SPSB4: variants seen among roughly 807,000 people sequenced by gnomAD.
The protein encoded by SPSB4 is SPRY domain-containing SOCS box protein 4.
A neutral mutation model predicts 20.9 loss-of-function variants in SPSB4; 21 were observed. The observed-to-expected ratio is 1.01, with a 90% CI of 0.71 to 1.45. The LOEUF is 1.45. SPSB4 is among the 40% of genes most tolerant of loss of function. The pLI, the probability that SPSB4 is intolerant of heterozygous loss-of-function variation, is 0.00. For missense variants in SPSB4, 399 were observed against 399.2 expected (o/e 1.00, Z 0.00); for synonymous variants, 207 against 183.8 (o/e 1.13, Z -1.02).
At chr3:141,095,962 G>A (rs2107793797) in intron 2 of SPSB4, among the ~76,000 whole-genome samples, 1 of 152,152 alleles carries the variant, frequency 6.6e-6, no homozygotes, top group South Asian at 2.1e-4. Context: ...CCCTTCTTCT[G>A]CCTGATGTCT....
rs1244417833 is a variant in SPSB4, at chr3:141,147,944, CT to C, written c.*676del. The C allele has an allele frequency of 1.3e-5, 2 of 153,170 alleles. No individual in the cohort carries two copies. The highest frequency in any genetic ancestry group is 2.9e-5 in the Non-Finnish European group (2 of 68,444). 9.5% of individuals were successfully genotyped at this position (153,170 alleles called of 1,614,324 possible). ...TTCCCAGCCACTGACTCACAGTTCT[CT>C]GGATGCCCAGACACCTCTCTTCAGG... On this transcript the variant is annotated 3_prime_UTR_variant, in exon 3 of 3. Coordinates refer to ENST00000310546, the MANE Select transcript of SPSB4 (RefSeq NM_080862.3).
chr3:141,129,571 A>G (rs868758195), intron 2 of SPSB4, among the ~76,000 whole-genome samples: 1 of 152,100 alleles, frequency 6.6e-6, no homozygotes, highest in Admixed American at 6.5e-5. Context: ...CAGCACTCTT[A>G]TCCTGTCCCT....
chr3:141,069,103 A>G (rs527840851), intron 2 of SPSB4, among the ~76,000 whole-genome samples: 12 of 152,304 alleles, frequency 7.9e-5, no homozygotes, highest in African/African-American at 2.9e-4. Context: ...GGCATCTTCC[A>G]TTCAGTGATA....
At chr3:141,087,972 C>T (rs1938382178) in intron 2 of SPSB4, among the ~76,000 whole-genome samples, 2 of 152,130 alleles carry the variant, frequency 1.3e-5, no homozygotes, top group South Asian at 2.1e-4. Context: ...GACCCTTGAG[C>T]GGAGATTTAA....
At chr3:141,084,477 G>T (rs1938305708) in intron 2 of SPSB4, among the ~76,000 whole-genome samples, 1 of 152,144 alleles carries the variant, frequency 6.6e-6, no homozygotes, top group South Asian at 2.1e-4. Context: ...ACAATGCTTG[G>T]CCCCCCTCCC....
At chr3:141,122,991 G>C (rs1259742025) in intron 2 of SPSB4, among the ~76,000 whole-genome samples, 1 of 152,226 alleles carries the variant, frequency 6.6e-6, no homozygotes, top group African/African-American at 2.4e-5. Flanking sequence ...AGGTACCTCA[G>C]TTGGAAATGC....
chr3:141,135,338 T>TTTATTTTTATTATTATTA (rs1553743610), intron 2 of SPSB4, among the ~76,000 whole-genome samples: 2 of 148,818 alleles, frequency 1.3e-5, no homozygotes, highest in Non-Finnish European at 3.0e-5. Flanking sequence ...CAGTTTTTCT[T>TTTATTTTTATTATTATTA]TTATTATTAT....
At chr3:141,103,198 A>T (rs952571285) in intron 2 of SPSB4, among the ~76,000 whole-genome samples, 8 of 152,214 alleles carry the variant, frequency 5.3e-5, no homozygotes, top group Admixed American at 5.2e-4. Flanking sequence ...AGCTGGCTCC[A>T]TTTGCAGACC....
chr3:141,119,467 T>C (rs950696551), intron 2 of SPSB4, among the ~76,000 whole-genome samples: 1 of 152,228 alleles, frequency 6.6e-6, no homozygotes. Flanking sequence ...CTTTTCCTAA[T>C]TGAATACCCT....
At position 141,135,243 on chromosome 3, in the gene SPSB4, G is replaced by A. The variant is rs576084845; in HGVS notation, c.695-11899G>A. 1.6e-3 allele frequency among the ~76,000 whole-genome samples: 246 copies of A among 151,884 alleles called. 1 individual carries two copies. The highest frequency in any genetic ancestry group is 2.8e-3 in the Non-Finnish European group (189 of 67,968). The stretch of plus-strand genomic sequence containing the variant: ...TTTATAAGATCAGTTATGTATAGTA[G>A]AAGTTTTTGTTTTGTGTGGCATTGC... On this transcript the variant is annotated intron_variant, in intron 2 of 2. Transcript: ENST00000310546.
intron 2 of SPSB4, among the ~76,000 whole-genome samples, chr3:141,113,183 G>A (rs1559851608): frequency 1.3e-5 from 2 of 152,166 alleles, no homozygotes; most frequent in African/African-American, 4.8e-5. Context: ...AGGAATTCCT[G>A]GTGAGAATGT....
chr3:141,112,684 T>C (rs184476060), intron 2 of SPSB4, among the ~76,000 whole-genome samples: 1 of 148,484 alleles, frequency 6.7e-6, no homozygotes, highest in African/African-American at 2.5e-5. Flanking sequence ...GAAGGAATCT[T>C]GTTCAACTAA....
chr3:141,136,768 T>C lies in SPSB4; in HGVS notation c.695-10374T>C, dbSNP rs527658888. Among the ~76,000 whole-genome samples the C allele has an allele frequency of 2.4e-4, 36 of 152,298 alleles. No homozygotes were observed. In the South Asian group the frequency reaches 7.5e-3, roughly 32 times the overall value. On this transcript the variant is annotated intron_variant, in intron 2 of 2. Transcript: ENST00000310546. ...CCTTGTAGAATAGTTTGAAGTGAGG[T>C]AGCGTGATGCCTCCAGCTTTGTTCT... is the stretch of plus-strand genomic sequence containing the variant.
At chr3:141,082,396 T>C (rs1050034422) in intron 2 of SPSB4, among the ~76,000 whole-genome samples, 1 of 152,170 alleles carries the variant, frequency 6.6e-6, no homozygotes, top group Admixed American at 6.5e-5. Context: ...TTATTGATGA[T>C]GGATTGTCTG....
chr3:141,103,419 G>A (rs900886286), intron 2 of SPSB4, among the ~76,000 whole-genome samples: 6 of 152,140 alleles, frequency 3.9e-5, no homozygotes, highest in African/African-American at 1.2e-4. Flanking sequence ...TGGCAGCATC[G>A]GAACAGCACA....
intron 2 of SPSB4, among the ~76,000 whole-genome samples, chr3:141,109,113 G>A (rs928261257): frequency 6.6e-6 from 1 of 152,154 alleles, no homozygotes; most frequent in African/African-American, 2.4e-5. Context: ...AAACATGACA[G>A]TGATCAGTCT....
At chr3:141,141,420 G>A (rs998940569) in intron 2 of SPSB4, among the ~76,000 whole-genome samples, 3 of 152,186 alleles carry the variant, frequency 2.0e-5, no homozygotes, top group East Asian at 1.9e-4. Context: ...CTTCTGCATC[G>A]CTCACGCTGG....
intron 2 of SPSB4, among the ~76,000 whole-genome samples, chr3:141,130,684 G>GC (rs1299783900): frequency 6.6e-6 from 1 of 152,044 alleles, no homozygotes; most frequent in African/African-American, 2.4e-5. Flanking sequence ...ACTTCAGAGG[G>GC]CCCAGGGAAG....
intron 2 of SPSB4, among the ~76,000 whole-genome samples, chr3:141,095,400 G>T (rs1938531558): frequency 6.6e-6 from 1 of 152,136 alleles, no homozygotes. Flanking sequence ...AATGGAAGAG[G>T]CTGTCCTGGG....
Sources: gnomAD v4.1 joint callset for allele counts (sites outside exome capture counted in the v4.1 genomes callset) on GRCh38, gnomAD v4.1.1 for gene constraint, MANE v1.5 for transcripts, NCBI Gene and HGNC (gene_info 2026-07-23, HGNC 2026-07-21) for gene names.